DISP2: variants seen among roughly 807,000 people sequenced by gnomAD.
DISP2 encodes protein dispatched homolog 2.
DISP2 carries 59 observed loss-of-function variants against 95.5 expected under a neutral mutation model. That is an observed-to-expected ratio of 0.62 (90% CI 0.50 to 0.77). DISP2 has a LOEUF of 0.77. Ranked by LOEUF, DISP2 falls within the 30% of genes least tolerant of loss-of-function variation. The probability of loss-of-function intolerance (pLI) is 0.00; values close to 1 mark genes in which losing one functional copy is unlikely to be tolerated. For missense variants in DISP2, 1,752 were observed against 1,854.6 expected, an observed-to-expected ratio of 0.94 and a Z score of 1.02; for synonymous variants, 827 against 815.0, an observed-to-expected ratio of 1.01 and a Z score of -0.25.
In DISP2 at chr15:40,376,738, G is replaced by A. The variant is rs1218492009; in HGVS notation, c.*6420G>A. 1.3e-5 allele frequency: 2 copies of A among 152,158 alleles called. No homozygotes were observed. The highest frequency in any genetic ancestry group is 4.8e-5 in the African/African-American group (2 of 41,430). The allele number at this position is 152,158 out of a possible 1,614,324, so 9.4% of individuals were successfully genotyped here. A position where few individuals can be genotyped will look rare whatever the true frequency, so the allele number is the denominator to read the frequency against. ...GAGGATCACTTGAACTCTGGAGTTC[G>A]AGGTTACAGTGAGCCATAATCACAT... On this transcript the variant is annotated 3_prime_UTR_variant, in exon 8 of 8. Coordinates refer to ENST00000267889, the MANE Select transcript of DISP2 (RefSeq NM_033510.3).
chr15:40,365,581 A>T, intron 6 of DISP2, 47 bp from the exon 7 acceptor site: 2 of 1,600,524 alleles, frequency 1.2e-6, no homozygotes, highest in Non-Finnish European at 1.7e-6. Context: ...AGGACCCAGG[A>T]CCTGGGGCCA....
chr15:40,364,001 T>C (rs779372854), intron 2 of DISP2, 47 bp downstream of exon 2: 14 of 1,511,048 alleles, frequency 9.3e-6, no homozygotes, highest in Non-Finnish European at 1.2e-5. Context: ...GAAAATGCGG[T>C]GGGGCTTAAG....
In DISP2 at chr15:40,368,364, C is replaced by A. The variant is rs1238677440; in HGVS notation, c.2252C>A (p.Ala751Glu). The A allele has an allele frequency of 8.1e-6, 13 of 1,606,550 alleles. No homozygotes were observed. The highest frequency in any genetic ancestry group is 1.0e-5 in the Non-Finnish European group (12 of 1,179,350). ...AGCCACCCCTTCGAGCGCTTCGACG[C>A]GGAGTATCGCCAGCTGTTCCTGTTC... ...RPSHPFERFD[A>E]EYRQLFLFEQ... The change falls in exon 8 of 8, where the codon GCG (alanine) becomes GAG (glutamate). Residue 751 changes from alanine (A) to glutamate (E), a missense_variant. Ala to Glu is a moderately radical substitution (Grantham distance 107, BLOSUM62 -1). Transcript: ENST00000267889.
At position 40,378,468 on chromosome 15, in the gene DISP2, C is replaced by T. The variant is rs938232350; in HGVS notation, c.*8150C>T. ...ATTTCTAAACTTATCAAATTGTACACTTAAAATATGTGGTCTATGGAATGT... is the reference window on the plus strand; with the variant it reads ...ATTTCTAAACTTATCAAATTGTACATTTAAAATATGTGGTCTATGGAATGT... On this transcript the variant is annotated 3_prime_UTR_variant, in exon 8 of 8. Coordinates refer to ENST00000267889, the MANE Select transcript of DISP2 (RefSeq NM_033510.3). 1 of 152,122 alleles carries T rather than the reference C, an allele frequency of 6.6e-6. No homozygotes were observed. Among genetic ancestry groups the T allele is most frequent in the Non-Finnish European group, 1.5e-5 (1 of 67,990 alleles). The allele number at this position is 152,122 out of a possible 1,614,324, so 9.4% of individuals were successfully genotyped here.
chr15:40,365,824 G>A (rs1889490387), intron 7 of DISP2, 99 bp downstream of exon 7: 7 of 1,213,070 alleles, frequency 5.8e-6, no homozygotes, highest in Non-Finnish European at 7.2e-6. Flanking sequence ...GCCAGGGGGT[G>A]GACTGGGGAA....
chr15:40,360,363 G>T (rs1889387876), intron 1 of DISP2, among the ~76,000 whole-genome samples: 1 of 152,238 alleles, frequency 6.6e-6, no homozygotes, highest in African/African-American at 2.4e-5. Context: ...TTTATTCTGA[G>T]AAGAGTGGAG....
chr15:40,359,751 T>C (rs1198603509), intron 1 of DISP2, among the ~76,000 whole-genome samples: 1 of 152,230 alleles, frequency 6.6e-6, no homozygotes, highest in African/African-American at 2.4e-5. Flanking sequence ...TAATTGGGCA[T>C]AGGGACTTGC....
Position 40,373,584 on chromosome 15 carries a change from G to A in DISP2, c.*3266G>A, listed in dbSNP as rs1016013137. The A allele has an allele frequency of 1.3e-5, 2 of 152,100 alleles. No homozygotes were observed. Among genetic ancestry groups the A allele is most frequent in the African/African-American group, 4.8e-5 (2 of 41,384 alleles). 9.4% of individuals were successfully genotyped at this position (152,100 alleles called of 1,614,324 possible). ...TTGGGCGTGGTGGGGGATGCCTGTAGTCCTAGCTACCCAGGAGGCTGAGGC... is the reference window on the plus strand; with the variant it reads ...TTGGGCGTGGTGGGGGATGCCTGTAATCCTAGCTACCCAGGAGGCTGAGGC... On this transcript the variant is annotated 3_prime_UTR_variant, in exon 8 of 8. Coordinates refer to ENST00000267889, the MANE Select transcript of DISP2 (RefSeq NM_033510.3).
rs371199025 is a variant in DISP2 at position 40,370,328 on chromosome 15, G to C, written c.*10G>C. 2.0e-6 allele frequency: 3 copies of C among 1,519,334 alleles called. No homozygotes were observed. Among genetic ancestry groups the C allele is most frequent in the Non-Finnish European group, 2.6e-6 (3 of 1,134,126 alleles). The allele number at this position is 1,519,334 out of a possible 1,614,324, so 94.1% of individuals were successfully genotyped here. A position where few individuals can be genotyped will look rare whatever the true frequency, so the allele number is the denominator to read the frequency against. ...AGGCTATAGCAGCTGAGGGGGACCC[G>C]GGGAGGCTGGACAGGGCGCGGAACC... On this transcript the variant is annotated 3_prime_UTR_variant, in exon 8 of 8. Transcript: ENST00000267889.
At position 40,362,721 on chromosome 15, in the gene DISP2, A is replaced by G. The variant is rs114571472; in HGVS notation, c.120-904A>G. Among the ~76,000 whole-genome samples, 338 of 152,352 alleles carry G rather than the reference A, an allele frequency of 2.2e-3. 1 individual carries two copies. The highest frequency in any genetic ancestry group is 7.7e-3 in the African/African-American group (319 of 41,572). On this transcript the variant is annotated intron_variant, in intron 1 of 7. Coordinates refer to ENST00000267889, the MANE Select transcript of DISP2 (RefSeq NM_033510.3). ...GGAAAGGCTTCTCTGAGGTAGTACT[A>G]GTTGAAACAAGACCAGAATAAAAAA...
chr15:40,366,828 T>C (rs1214733361), intron 7 of DISP2, among the ~76,000 whole-genome samples: 3 of 152,190 alleles, frequency 2.0e-5, no homozygotes, highest in African/African-American at 4.8e-5. Context: ...GGCTGAAGCC[T>C]TGGGCAGCAT....
Position 40,367,813 on chromosome 15 carries a change from C to T in DISP2, c.1701C>T (p.Arg567=). The T allele has an allele frequency of 1.9e-6, 3 of 1,604,796 alleles. No homozygotes were observed. The highest frequency in any genetic ancestry group is 2.5e-6 in the Non-Finnish European group (3 of 1,179,968). Residue 567 remains arginine, a synonymous_variant, in exon 8 of 8, where the codon CGC becomes CGT. Transcript: ENST00000267889. ...CGCTCATCTTCTTCGACCTGTGGCG[C>T]CTTAGCAAGAGCCAGCTGCCGTCGG... ...NHTLIFFDLW[R]LSKSQLPSGG...
At chr15:40,358,640 C>G (rs1030718488) in intron 1 of DISP2, among the ~76,000 whole-genome samples, 200 bp downstream of exon 1, 2 of 152,088 alleles carry the variant, frequency 1.3e-5, no homozygotes, top group East Asian at 1.9e-4. Context: ...CTGACACCCC[C>G]TAGTGTCAGC....
At chr15:40,360,367 A>C (rs1225760649) in intron 1 of DISP2, among the ~76,000 whole-genome samples, 2 of 152,176 alleles carry the variant, frequency 1.3e-5, no homozygotes, top group Admixed American at 6.5e-5. Context: ...TTCTGAGAAG[A>C]GTGGAGGTCG....
Position 40,364,818 on chromosome 15 carries a change from C to G in DISP2, c.604-20C>G. 6.2e-7 allele frequency: 1 copy of G among 1,610,526 alleles called. No individual in the cohort carries two copies. The highest frequency in any genetic ancestry group is 2.2e-5 in the East Asian group (1 of 44,876). ...ACTCCTACCCTGCCCACCTGTTCTT[C>G]TCCACCCTCCTCCCTGCAGGGCTTT... On this transcript the variant is annotated intron_variant, in intron 4 of 7. Transcript: ENST00000267889.
intron 1 of DISP2, among the ~76,000 whole-genome samples, chr15:40,362,765 G>A (rs747608695): frequency 7.2e-5 from 11 of 152,042 alleles, no homozygotes; most frequent in Non-Finnish European, 1.2e-4. Flanking sequence ...TGCAGTTATC[G>A]GGGGGGATAG....
At chr15:40,365,051 G>A in intron 5 of DISP2, 96 bp from the exon 6 acceptor site, 1 of 1,585,328 alleles carries the variant, frequency 6.3e-7, no homozygotes, top group Non-Finnish European at 8.6e-7. Flanking sequence ...AGGTCAGAGG[G>A]GCTTGCCAAG....
In DISP2 at chr15:40,370,795, AG is replaced by A; in HGVS notation, c.*479del. On this transcript the variant is annotated 3_prime_UTR_variant, in exon 8 of 8. Coordinates refer to ENST00000267889, the MANE Select transcript of DISP2 (RefSeq NM_033510.3). The stretch of plus-strand genomic sequence containing the variant: ...TCACCCCTTTCATGGGCTCTTCATC[AG>A]GACACTTCCCTCTCTTTTGGGAGCT... 5.4e-6 allele frequency: 2 copies of A among 370,114 alleles called. No homozygotes were observed. Among genetic ancestry groups the A allele is most frequent in the Middle Eastern group, 6.6e-4 (1 of 1,526 alleles). 22.9% of individuals were successfully genotyped at this position (370,114 alleles called of 1,614,324 possible).
In DISP2 at chr15:40,367,751, G is replaced by C; in HGVS notation, c.1639G>C (p.Ala547Pro). ...MAYFPFVNLA[A>P]LLLLSSVCAN... The stretch of plus-strand genomic sequence containing the variant: ...CTACTTCCCCTTCGTCAATCTGGCA[G>C]CCCTCCTCCTGCTGAGCAGCGTCTG... The change falls in exon 8 of 8, where the codon GCC becomes CCC. Residue 547 changes from alanine (A) to proline (P), a missense_variant. This residue lies in a region of DISP2 where 732 missense variants were observed against 714.6 expected (regional missense o/e 1.02). Transcript: ENST00000267889. The C allele has an allele frequency of 6.2e-7, 1 of 1,612,120 alleles. No homozygotes were observed. Among genetic ancestry groups the C allele is most frequent in the Non-Finnish European group, 8.5e-7 (1 of 1,180,008 alleles).
Sources: allele counts gnomAD v4.1 joint callset (sites outside exome capture counted in the v4.1 genomes callset), GRCh38; gene constraint gnomAD v4.1.1; regional missense constraint gnomAD v4.1.1; transcripts MANE v1.5; gene names NCBI Gene and HGNC (gene_info 2026-07-23, HGNC 2026-07-21).